XIRP2: variants seen among roughly 807,000 people sequenced by gnomAD.
XIRP2 encodes xin actin binding repeat containing 2.
In XIRP2, 236 loss-of-function variants were observed where a neutral mutation model predicts 277.0. The ratio of observed to expected loss-of-function variants is 0.85; its 90% CI spans 0.77 to 0.95. The LOEUF (loss-of-function observed/expected upper bound fraction) is 0.95, where lower values mean the gene tolerates loss of function less well. Ranked by LOEUF, XIRP2 falls within the 40% of genes least tolerant of loss-of-function variation. The pLI, the probability that XIRP2 is intolerant of heterozygous loss-of-function variation, is 0.00. For missense variants in XIRP2, 4,640 were observed against 4,157.5 expected (o/e 1.12, Z -3.19); for synonymous variants, 1,490 against 1,416.5 (o/e 1.05, Z -1.17).
At chr2:166,903,929 A>G (rs1684452242) in intron 2 of XIRP2, 39 bp downstream of exon 2, 1 of 1,573,510 alleles carries the variant, frequency 6.4e-7, no homozygotes, top group Non-Finnish European at 8.7e-7. Context: ...TTTACATATG[A>G]CTTCCTTGCC....
At position 167,258,244 on chromosome 2, in the gene XIRP2, A is replaced by G. The variant is rs1363850410; in HGVS notation, c.*427A>G. 6.2e-6 allele frequency: 10 copies of G among 1,613,148 alleles called. No individual in the cohort carries two copies. The highest frequency in any genetic ancestry group is 6.8e-6 in the Non-Finnish European group (8 of 1,179,580). ...TGAGTAAACCTAAGTGGCCACCTGA[A>G]ATGACAACCCTGCTATCCCCTGAAT... is the stretch of plus-strand genomic sequence containing the variant. On this transcript the variant is annotated 3_prime_UTR_variant, in exon 11 of 11. Coordinates refer to ENST00000409195, the MANE Select transcript of XIRP2 (RefSeq NM_152381.6).
chr2:166,903,822 C>G lies in XIRP2; in HGVS notation c.340C>G (p.Leu114Val), dbSNP rs780365600. The change falls in exon 2 of 11, where the codon CTT (leucine) becomes GTT (valine). Residue 114 changes from leucine to valine, a missense_variant. Leu to Val is a conservative substitution (Grantham distance 32). Coordinates refer to ENST00000409195, the MANE Select transcript of XIRP2 (RefSeq NM_152381.6). Reference sequence around the variant, plus strand: ...CAGGATTGAACGCTTTTCCATTGCCCTTGATGAGCTGAGGAGTGTGTTTGA... The same window carrying G: ...CAGGATTGAACGCTTTTCCATTGCCGTTGATGAGCTGAGGAGTGTGTTTGA... ...RRRIERFSIA[L>V]DELRSVFEAP... is the part of the protein sequence containing the mutation. 1.2e-6 allele frequency: 2 copies of G among 1,613,640 alleles called. No homozygotes were observed. Among genetic ancestry groups the G allele is most frequent in the South Asian group, 1.1e-5 (1 of 91,074 alleles).
intron 2 of XIRP2, among the ~76,000 whole-genome samples, chr2:166,966,701 G>A (rs1422366898): frequency 6.6e-6 from 1 of 151,950 alleles, no homozygotes; most frequent in African/African-American, 2.4e-5. Flanking sequence ...GCTATAAAGA[G>A]ACAAATGTGG....
chr2:166,958,891 A>G (rs74556475), intron 2 of XIRP2, among the ~76,000 whole-genome samples: 4 of 151,888 alleles, frequency 2.6e-5, no homozygotes, highest in Admixed American at 6.6e-5. Flanking sequence ...TGGAATTTCA[A>G]TGGCAAAGGG....
chr2:166,924,904 C>T (rs1364115799), intron 2 of XIRP2, among the ~76,000 whole-genome samples: 6 of 152,058 alleles, frequency 3.9e-5, no homozygotes, highest in East Asian at 1.9e-4. Context: ...ATTTCTTTAA[C>T]GCAAAAGCAA....
In XIRP2 at chr2:166,903,881, C is replaced by T. The variant is rs368478393; in HGVS notation, c.399C>T (p.Tyr133=). The T allele has an allele frequency of 3.3e-5, 53 of 1,612,148 alleles. No individual in the cohort carries two copies. The highest frequency in any genetic ancestry group is 5.5e-5 in the South Asian group (5 of 91,034). ...AGAGTGGAAACAAACCAGCTGAGTA[C>T]GGTGGAAAGGTAAGGAGCCATTGAT... ...APKSGNKPAE[Y]GGKEVEIERS... The change falls in exon 2 of 11, where the codon TAC becomes TAT. Residue 133 remains tyrosine, a synonymous_variant. Coordinates refer to ENST00000409195, the MANE Select transcript of XIRP2 (RefSeq NM_152381.6).
At chr2:167,214,311 G>GGAAGGAAGGAA (rs1423224161) in intron 4 of XIRP2, among the ~76,000 whole-genome samples, 3 of 148,752 alleles carry the variant, frequency 2.0e-5, no homozygotes, top group Non-Finnish European at 4.5e-5. Flanking sequence ...AAGGAAGGAA[G>GGAAGGAAGGAA]GAAGGAAGGA....
chr2:167,195,086 G>A (rs566840529), intron 3 of XIRP2, among the ~76,000 whole-genome samples: 3 of 152,214 alleles, frequency 2.0e-5, no homozygotes, highest in African/African-American at 4.8e-5. Context: ...TTAATAGGTT[G>A]TTGTGTTGTT....
intron 5 of XIRP2, among the ~76,000 whole-genome samples, chr2:167,238,432 A>G (rs558247150): frequency 5.3e-5 from 8 of 152,270 alleles, no homozygotes; most frequent in South Asian, 2.1e-4. Context: ...CTAGAAAAGC[A>G]TAAGATCAGA....
chr2:167,025,903 G>A (rs1469988083), intron 2 of XIRP2, among the ~76,000 whole-genome samples: 3 of 151,958 alleles, frequency 2.0e-5, no homozygotes, highest in Non-Finnish European at 4.4e-5. Context: ...AATAGGTGTG[G>A]TGTGGTGCTG....
At chr2:167,105,821 G>T (rs1411991983) in intron 2 of XIRP2, among the ~76,000 whole-genome samples, 3 of 151,560 alleles carry the variant, frequency 2.0e-5, no homozygotes, top group African/African-American at 7.3e-5. Context: ...ATTTATTATT[G>T]TTACCATTCT....
At chr2:167,091,255 A>G (rs1420339101) in intron 2 of XIRP2, among the ~76,000 whole-genome samples, 3 of 152,068 alleles carry the variant, frequency 2.0e-5, no homozygotes, top group African/African-American at 7.2e-5. Context: ...GTTTTGGGAA[A>G]CTTAATTCTT....
chr2:167,242,829 T>A lies in XIRP2; in HGVS notation c.1437T>A (p.Pro479=), dbSNP rs751751202. Residue 479 remains proline (P), a synonymous_variant, in exon 9 of 11, where the codon CCT becomes CCA. Coordinates refer to ENST00000409195, the MANE Select transcript of XIRP2 (RefSeq NM_152381.6). ...FSQSPELPSP[P]RRLPVPKDVY... ...AGTCCCCTGAACTGCCCAGTCCTCC[T>A]AGAAGACTACCAGTCCCCAAAGATG... is the stretch of plus-strand genomic sequence containing the variant. 2 of 1,614,146 alleles carry A rather than the reference T, an allele frequency of 1.2e-6. No homozygotes were observed. The highest frequency in any genetic ancestry group is 4.5e-5 in the East Asian group (2 of 44,876).
intron 5 of XIRP2, among the ~76,000 whole-genome samples, chr2:167,229,452 A>G (rs897035651): frequency 3.9e-5 from 6 of 152,174 alleles, no homozygotes; most frequent in African/African-American, 1.4e-4. Flanking sequence ...AAGATATAAC[A>G]ACAAAAGAAA....
intron 3 of XIRP2, among the ~76,000 whole-genome samples, chr2:167,201,838 G>T (rs1448696303): frequency 6.6e-6 from 1 of 152,100 alleles, no homozygotes; most frequent in African/African-American, 2.4e-5. Context: ...AAATAAAAAT[G>T]TTATATTTTA....
At chr2:167,105,671 T>C (rs2105290133) in intron 2 of XIRP2, among the ~76,000 whole-genome samples, 1 of 152,020 alleles carries the variant, frequency 6.6e-6, no homozygotes, top group Middle Eastern at 3.4e-3. Flanking sequence ...CTGAAATGAA[T>C]GTCCAAAAGT....
chr2:167,133,858 G>A (rs1691455100), intron 2 of XIRP2, among the ~76,000 whole-genome samples: 1 of 152,134 alleles, frequency 6.6e-6, no homozygotes, highest in Non-Finnish European at 1.5e-5. Context: ...ACATGTAATG[G>A]CATGTCTGAC....
chr2:167,097,569 G>A (rs187023564), intron 2 of XIRP2, among the ~76,000 whole-genome samples: 1 of 152,184 alleles, frequency 6.6e-6, no homozygotes, highest in African/African-American at 2.4e-5. Flanking sequence ...CTTTGATATT[G>A]TTATGTGTGA....
At chr2:167,137,461 A>G (rs762937967) in intron 3 of XIRP2, among the ~76,000 whole-genome samples, 8 of 152,176 alleles carry the variant, frequency 5.3e-5, no homozygotes, top group Non-Finnish European at 1.0e-4. Flanking sequence ...TTATATTCTG[A>G]TGATGCTTGC....
Sources: allele counts gnomAD v4.1 joint callset (sites outside exome capture counted in the v4.1 genomes callset), GRCh38; gene constraint gnomAD v4.1.1; transcripts MANE v1.5; gene names NCBI Gene and HGNC (gene_info 2026-07-23, HGNC 2026-07-21).